The following FGF14 variants were observed in gnomAD, a reference collection of about 807,000 sequenced individuals.
The protein encoded by FGF14 is fibroblast growth factor 14.
In FGF14, 5 loss-of-function variants were observed where a neutral mutation model predicts 25.5. That is an observed-to-expected ratio of 0.20 (90% CI 0.10 to 0.41). The LOEUF (loss-of-function observed/expected upper bound fraction) is 0.41. FGF14 is among the 10% of genes least tolerant of loss of function. The probability of loss-of-function intolerance (pLI) is 1.00; values close to 1 mark genes in which losing one functional copy is unlikely to be tolerated. For synonymous variants in FGF14, 138 were observed against 118.3 expected (o/e 1.17, Z -1.08); for missense variants, 222 against 320.1 (o/e 0.69, Z 2.34).
At chr13:101,870,985 T>C (rs113981870) in intron 2 of FGF14, among the ~76,000 whole-genome samples, 29 of 151,954 alleles carry the variant, frequency 1.9e-4, no homozygotes, top group African/African-American at 6.8e-4. Context: ...AATACATACA[T>C]ACATACATAC....
intron 3 of FGF14, among the ~76,000 whole-genome samples, chr13:101,845,139 G>A (rs768398277): frequency 7.2e-5 from 11 of 151,936 alleles, no homozygotes; most frequent in East Asian, 1.9e-4. Flanking sequence ...AATACAGTAC[G>A]CCTTCATCGG....
intron 1 of FGF14, among the ~76,000 whole-genome samples, chr13:102,269,964 T>G (rs1321745287): frequency 5.3e-5 from 8 of 152,198 alleles, no homozygotes; most frequent in African/African-American, 9.7e-5. Flanking sequence ...GTGGAGTTGC[T>G]GTTCAAAGGC....
intron 1 of FGF14, among the ~76,000 whole-genome samples, chr13:102,132,547 G>A (rs987291797): frequency 2.7e-5 from 4 of 150,292 alleles, no homozygotes; most frequent in African/African-American, 9.8e-5. Context: ...GAGTGCCCAG[G>A]CCTGAGTGCA....
intron 1 of FGF14, among the ~76,000 whole-genome samples, chr13:102,368,453 TCTC>T (rs916022699): frequency 2.0e-5 from 3 of 152,186 alleles, no homozygotes; most frequent in Non-Finnish European, 4.4e-5. Flanking sequence ...TTAAGTTTCT[TCTC>T]CTTCTTTCCC....
intron 1 of FGF14, among the ~76,000 whole-genome samples, chr13:102,024,021 T>G (rs1463009762): frequency 6.6e-6 from 1 of 152,036 alleles, no homozygotes; most frequent in Admixed American, 6.6e-5. Context: ...TTTCTCCATT[T>G]ATCAGTTAAT....
At chr13:102,128,171 C>G (rs1012352242) in intron 1 of FGF14, among the ~76,000 whole-genome samples, 1 of 131,780 alleles carries the variant, frequency 7.6e-6, no homozygotes, top group Non-Finnish European at 1.8e-5. Context: ...TGTGCCTCGG[C>G]TTTCTCATCT....
intron 1 of FGF14, among the ~76,000 whole-genome samples, chr13:102,123,703 A>G (rs2045832323): frequency 6.6e-6 from 1 of 152,150 alleles, no homozygotes. Context: ...GGATATCACT[A>G]GTAGCTTTAA....
intron 4 of FGF14, among the ~76,000 whole-genome samples, chr13:101,725,129 G>GA (rs1410779358): frequency 6.6e-6 from 1 of 152,022 alleles, no homozygotes; most frequent in African/African-American, 2.4e-5. Flanking sequence ...TAAAATGAGT[G>GA]AAAAGAGATA....
intron 1 of FGF14, among the ~76,000 whole-genome samples, chr13:102,139,426 G>A (rs1220144779): frequency 2.0e-5 from 3 of 151,770 alleles, no homozygotes; most frequent in Non-Finnish European, 4.4e-5. Context: ...ATAGAGAAAT[G>A]GAAAATAACA....
At chr13:102,282,346 G>A (rs531887025) in intron 1 of FGF14, among the ~76,000 whole-genome samples, 4 of 152,126 alleles carry the variant, frequency 2.6e-5, no homozygotes, top group African/African-American at 9.6e-5. Flanking sequence ...GAGCCACCAC[G>A]CCCAGCCTCC....
intron 1 of FGF14, among the ~76,000 whole-genome samples, chr13:102,167,312 CAAAAAAAAAAAA>C (rs10689114): frequency 4.1e-5 from 3 of 72,778 alleles, no homozygotes; most frequent in Non-Finnish European, 8.0e-5. Flanking sequence ...CACTCCATCT[CAAAAAAAAAAAA>C]AAAAAAAAAA....
chr13:102,241,443 T>C (rs1375089485), intron 1 of FGF14, among the ~76,000 whole-genome samples: 1 of 152,158 alleles, frequency 6.6e-6, no homozygotes, highest in Non-Finnish European at 1.5e-5. Flanking sequence ...ACAGCCCTGT[T>C]CTTTCCCCAT....
At chr13:102,158,590 C>T (rs898930166) in intron 1 of FGF14, among the ~76,000 whole-genome samples, 1 of 151,702 alleles carries the variant, frequency 6.6e-6, no homozygotes, top group Admixed American at 6.6e-5. Context: ...TTAATGGGTG[C>T]AGCACACCAA....
At chr13:102,375,909 AATTC>A (rs1167611550) in intron 1 of FGF14, among the ~76,000 whole-genome samples, 8 of 152,192 alleles carry the variant, frequency 5.3e-5, no homozygotes, top group Non-Finnish European at 8.8e-5. Context: ...TATCTTCTTG[AATTC>A]AAACCTAATT....
chr13:102,350,724 T>A (rs763287202), intron 1 of FGF14, among the ~76,000 whole-genome samples: 4 of 152,118 alleles, frequency 2.6e-5, no homozygotes, highest in Non-Finnish European at 4.4e-5. Flanking sequence ...CGTATTCAGG[T>A]GTAAAATGAT....
At chr13:101,868,541 T>C (rs1470818647) in intron 3 of FGF14, 184 bp downstream of exon 3, 1 of 615,204 alleles carries the variant, frequency 1.6e-6, no homozygotes, top group African/African-American at 1.8e-5. Flanking sequence ...ACACTTCCTT[T>C]AGATAAACTC....
chr13:101,938,342 T>C (rs2035238951), intron 1 of FGF14, among the ~76,000 whole-genome samples: 1 of 152,224 alleles, frequency 6.6e-6, no homozygotes, highest in African/African-American at 2.4e-5. Flanking sequence ...CCAAGAATGA[T>C]TTCTCTTTTT....
chr13:101,843,236 C>T (rs2043279030), intron 3 of FGF14, among the ~76,000 whole-genome samples: 1 of 152,026 alleles, frequency 6.6e-6, no homozygotes, highest in South Asian at 2.1e-4. Flanking sequence ...TTTCCTCTAG[C>T]ATTAAACCAA....
At chr13:102,391,625 C>T (rs2058434796) in intron 1 of FGF14, among the ~76,000 whole-genome samples, 1 of 152,132 alleles carries the variant, frequency 6.6e-6, no homozygotes, top group South Asian at 2.1e-4. Flanking sequence ...TGTTACTTGT[C>T]ATGTGAGTTG....
Sources: allele counts gnomAD v4.1 joint callset (sites outside exome capture counted in the v4.1 genomes callset), GRCh38; gene constraint gnomAD v4.1.1; transcripts MANE v1.5; gene names NCBI Gene and HGNC (gene_info 2026-07-23, HGNC 2026-07-21).